The following ARL9 variants were observed in gnomAD, a reference collection of about 807,000 sequenced individuals.
The protein encoded by ARL9 is ADP-ribosylation factor-like protein 9.
A neutral mutation model predicts 27.0 loss-of-function variants in ARL9; 14 were observed. The ratio of observed to expected loss-of-function variants is 0.52; its 90% CI spans 0.34 to 0.81. The LOEUF is 0.81. Among genes scored for constraint, ARL9 ranks in the 30% least tolerant of loss-of-function variants. The pLI, the probability that ARL9 is intolerant of heterozygous loss-of-function variation, is 0.01. For synonymous variants in ARL9, 106 were observed against 108.7 expected (o/e 0.98, Z 0.15); for missense variants, 294 against 290.0 (o/e 1.01, Z -0.10).
intron 1 of ARL9, chr4:56,506,534 C>G (rs1721465909): frequency 1.5e-6 from 1 of 673,298 alleles, no homozygotes; most frequent in Admixed American, 7.6e-5. Context: ...CACGCAGGCC[C>G]TCTTTGCATT....
At chr4:56,509,591 A>G (rs147971946) in intron 1 of ARL9, among the ~76,000 whole-genome samples, 20 of 149,320 alleles carry the variant, frequency 1.3e-4, no homozygotes, top group Non-Finnish European at 2.5e-4. Context: ...CTGGAGTGCA[A>G]TGGCGTGATC....
At position 56,505,839 on chromosome 4, in the gene ARL9, G is replaced by C. The variant is rs952904923; in HGVS notation, c.-24G>C. 3.6e-5 allele frequency: 46 copies of C among 1,279,358 alleles called. No individual in the cohort carries two copies. The highest frequency in any genetic ancestry group is 4.4e-5 in the Non-Finnish European group (45 of 1,015,594). The allele number at this position is 1,279,358 out of a possible 1,614,324, so 79.3% of individuals were successfully genotyped here. ...CTCAGCACGCGGGCACGCGGCGGGA[G>C]GGAAGGAAACCGCGGCGCTGGGGAT... On this transcript the variant is annotated 5_prime_UTR_variant, in exon 1 of 4. Transcript: ENST00000640821.
At chr4:56,509,193 T>C (rs1456709320) in intron 1 of ARL9, among the ~76,000 whole-genome samples, 1 of 143,848 alleles carries the variant, frequency 7.0e-6, no homozygotes, top group Admixed American at 7.3e-5. Context: ...TTTTTTCTTT[T>C]TCTTTTTCTT....
At chr4:56,511,878 C>T (rs1476300525) in intron 2 of ARL9, among the ~76,000 whole-genome samples, 1 of 152,166 alleles carries the variant, frequency 6.6e-6, no homozygotes, top group Non-Finnish European at 1.5e-5. Context: ...GCTAATGGCT[C>T]CCAAATTTAT....
chr4:56,507,674 C>T (rs1433631347), intron 1 of ARL9, among the ~76,000 whole-genome samples: 1 of 150,946 alleles, frequency 6.6e-6, no homozygotes, highest in African/African-American at 2.4e-5. Flanking sequence ...AGTCTAGGTA[C>T]CACTAAGAAA....
chr4:56,520,241 G>C (rs1057305157), intron 3 of ARL9, among the ~76,000 whole-genome samples: 1 of 152,130 alleles, frequency 6.6e-6, no homozygotes, highest in Non-Finnish European at 1.5e-5. Flanking sequence ...GGCCTCAAGT[G>C]ATCCACCCAC....
chr4:56,509,731 G>T (rs1721581842), intron 1 of ARL9, among the ~76,000 whole-genome samples: 10 of 122,366 alleles, frequency 8.2e-5, no homozygotes, highest in African/African-American at 3.0e-4. Context: ...TTTTTAAGAT[G>T]GAGCCTTGCT....
At chr4:56,510,247 C>T (rs1721597378) in intron 1 of ARL9, among the ~76,000 whole-genome samples, 1 of 150,164 alleles carries the variant, frequency 6.7e-6, no homozygotes, top group African/African-American at 2.5e-5. Context: ...CTCAGCTACT[C>T]GGGAGGCTGA....
chr4:56,506,275 T>A, intron 1 of ARL9, 134 bp downstream of exon 1: 1 of 954,866 alleles, frequency 1.0e-6, no homozygotes, highest in Non-Finnish European at 1.4e-6. Context: ...GCTATTTACC[T>A]ATGGATGAAA....
At position 56,506,160 on chromosome 4, in the gene ARL9, A is replaced by G; in HGVS notation, c.279+19A>G. On this transcript the variant is annotated intron_variant, in intron 1 of 3. Transcript: ENST00000640821. Reference sequence around the variant, plus strand: ...GCCGCTGGTAAGAGACCCAGTGCCCAGGACCCCTTGCCCCAAGGCTTTTGT... The same window carrying G: ...GCCGCTGGTAAGAGACCCAGTGCCCGGGACCCCTTGCCCCAAGGCTTTTGT... 1 of 1,233,442 alleles carries G rather than the reference A, an allele frequency of 8.1e-7. No individual in the cohort carries two copies. The highest frequency in any genetic ancestry group is 1.0e-6 in the Non-Finnish European group (1 of 989,020). The allele number at this position is 1,233,442 out of a possible 1,614,324, so 76.4% of individuals were successfully genotyped here.
intron 1 of ARL9, among the ~76,000 whole-genome samples, chr4:56,507,955 G>T (rs989530199): frequency 6.0e-5 from 8 of 133,948 alleles, no homozygotes; most frequent in Non-Finnish European, 1.1e-4. Flanking sequence ...CACAGAGAGA[G>T]ATTCTGTATC....
intron 2 of ARL9, among the ~76,000 whole-genome samples, chr4:56,515,637 T>C (rs186463931): frequency 4.3e-4 from 66 of 152,300 alleles, no homozygotes; most frequent in Non-Finnish European, 6.8e-4. Flanking sequence ...TTAGAAATTA[T>C]AACAGCTTGG....
chr4:56,508,935 C>T (rs757298084), intron 1 of ARL9, among the ~76,000 whole-genome samples: 2 of 152,132 alleles, frequency 1.3e-5, no homozygotes, highest in South Asian at 2.1e-4. Flanking sequence ...TCTAAACCAG[C>T]GCCATTGAAG....
rs1051479959 is a variant in ARL9 at position 56,518,878 on chromosome 4, T to C, written c.618+25T>C. On this transcript the variant is annotated intron_variant, in intron 3 of 3. Coordinates refer to ENST00000640821, the MANE Select transcript of ARL9 (RefSeq NM_001363794.2). ...GGTAAAAATCTGTGCAAATATAAAT[T>C]GTACTCAAGAGTTTTGTAATACAAG... 3.1e-6 allele frequency: 5 copies of C among 1,600,256 alleles called. No individual in the cohort carries two copies. In the African/African-American group the frequency reaches 6.7e-5, roughly 21 times the overall value.
In ARL9 at chr4:56,511,379, C is replaced by T. The variant is rs751884501; in HGVS notation, c.442+32C>T. The T allele has an allele frequency of 4.4e-6, 7 of 1,580,598 alleles. No individual in the cohort carries two copies. In the South Asian group the frequency reaches 5.7e-5, roughly 13 times the overall value. Reference sequence around the variant, plus strand: ...TCTCTGTTCCTTAGTTATAAGATAGCCACATTTTATTGTCTCTTAAGCCAG... The same window carrying T: ...TCTCTGTTCCTTAGTTATAAGATAGTCACATTTTATTGTCTCTTAAGCCAG... On this transcript the variant is annotated intron_variant, in intron 2 of 3. Transcript: ENST00000640821.
Position 56,506,144 on chromosome 4 carries a change from A to T in ARL9, c.279+3A>T. 8.1e-7 allele frequency: 1 copy of T among 1,233,626 alleles called. No homozygotes were observed. Among genetic ancestry groups the T allele is most frequent in the Non-Finnish European group, 1.0e-6 (1 of 989,148 alleles). 76.4% of individuals were successfully genotyped at this position (1,233,626 alleles called of 1,614,324 possible). ...CAAGGACCCCGCTCGAGCCGCTGGT[A>T]AGAGACCCAGTGCCCAGGACCCCTT... On this transcript the variant is annotated splice_donor_region_variant and intron_variant, in intron 1 of 3. Transcript: ENST00000640821.
intron 3 of ARL9, among the ~76,000 whole-genome samples, chr4:56,522,780 T>G (rs1296624952): frequency 2.0e-5 from 3 of 152,070 alleles, no homozygotes; most frequent in Admixed American, 2.0e-4. Context: ...TTCCTGTGGG[T>G]TTCCCTCTTC....
In ARL9 at chr4:56,523,731, A is replaced by G. The variant is rs201809806; in HGVS notation, c.653A>G (p.His218Arg). Residue 218 changes from histidine to arginine, a missense_variant, in exon 4 of 4, where the codon CAT becomes CGT. His to Arg is a conservative substitution (Grantham distance 29). Coordinates refer to ENST00000640821, the MANE Select transcript of ARL9 (RefSeq NM_001363794.2). ...LEAAYHITDI[H>R]EALALSEVGN... ...GCAGCCTATCACATTACAGATATCC[A>G]TGAAGCTTTGGCATTATCTGAAGTG... 1.3e-4 allele frequency: 216 copies of G among 1,613,828 alleles called. No homozygotes were observed. Among genetic ancestry groups the G allele is most frequent in the Non-Finnish European group, 1.7e-4 (203 of 1,179,840 alleles).
At chr4:56,522,833 CT>C (rs1248869342) in intron 3 of ARL9, among the ~76,000 whole-genome samples, 2 of 152,302 alleles carry the variant, frequency 1.3e-5, no homozygotes, top group Admixed American at 1.3e-4. Context: ...TCTGAACCTC[CT>C]TTTCCCACTG....
Sources: allele counts gnomAD v4.1 joint callset (sites outside exome capture counted in the v4.1 genomes callset), GRCh38; gene constraint gnomAD v4.1.1; transcripts MANE v1.5; gene names NCBI Gene and HGNC (gene_info 2026-07-23, HGNC 2026-07-21).